Variants in KCNMA1 observed in about 807,000 individuals in gnomAD.
The protein encoded by KCNMA1 is potassium calcium-activated channel subfamily M alpha 1.
KCNMA1 carries 29 observed loss-of-function variants against 140.0 expected under a neutral mutation model. That is an observed-to-expected ratio of 0.21 (90% CI 0.15 to 0.28). The LOEUF (loss-of-function observed/expected upper bound fraction) is 0.28. Ranked by LOEUF, KCNMA1 falls within the 10% of genes least tolerant of loss-of-function variation. KCNMA1 has a pLI of 1.00. For missense variants in KCNMA1, 880 were observed against 1,602.2 expected (o/e 0.55, Z 7.70); for synonymous variants, 612 against 611.9 (o/e 1.00, Z 0.00).
At chr10:76,981,910 C>T (rs1006412906) in intron 19 of KCNMA1, among the ~76,000 whole-genome samples, 31 of 152,180 alleles carry the variant, frequency 2.0e-4, no homozygotes, top group African/African-American at 5.3e-4. Flanking sequence ...TAAATAGCTC[C>T]GAGCAGCTAC....
chr10:77,614,977 GA>G (rs1286015799), intron 1 of KCNMA1, among the ~76,000 whole-genome samples: 1 of 152,234 alleles, frequency 6.6e-6, no homozygotes, highest in East Asian at 1.9e-4. Context: ...AGAAGACCCG[GA>G]AGTCTTCATG....
intron 1 of KCNMA1, among the ~76,000 whole-genome samples, chr10:77,551,238 C>T (rs2062772487): frequency 6.6e-6 from 1 of 152,124 alleles, no homozygotes; most frequent in African/African-American, 2.4e-5. Context: ...AAATTATGCT[C>T]TTATATGTAC....
At chr10:76,961,427 A>C (rs189909744) in intron 20 of KCNMA1, among the ~76,000 whole-genome samples, 41 of 152,284 alleles carry the variant, frequency 2.7e-4, no homozygotes, top group African/African-American at 9.9e-4. Context: ...TTGAGATGGA[A>C]GCTACTCCTA....
intron 2 of KCNMA1, among the ~76,000 whole-genome samples, chr10:77,255,053 C>T (rs2060443054): frequency 6.6e-6 from 1 of 152,216 alleles, no homozygotes; most frequent in African/African-American, 2.4e-5. Context: ...GCTAAACTTG[C>T]CATAGTCTGA....
intron 1 of KCNMA1, among the ~76,000 whole-genome samples, chr10:77,616,648 A>G (rs1405923559): frequency 1.3e-5 from 2 of 152,126 alleles, no homozygotes; most frequent in Non-Finnish European, 2.9e-5. Context: ...TCTACTAAAA[A>G]TACAGAAATT....
chr10:77,406,162 A>G (rs1392491511), intron 1 of KCNMA1, among the ~76,000 whole-genome samples: 5 of 152,180 alleles, frequency 3.3e-5, no homozygotes, highest in African/African-American at 9.6e-5. Context: ...CTCAGATAGG[A>G]CCTGTTAGGT....
intron 2 of KCNMA1, among the ~76,000 whole-genome samples, chr10:77,302,349 T>C (rs1018236742): frequency 6.6e-6 from 1 of 152,170 alleles, no homozygotes; most frequent in Non-Finnish European, 1.5e-5. Context: ...AAGCACTTAA[T>C]TAATGGTGTC....
chr10:77,416,364 G>A (rs897671270), intron 1 of KCNMA1, among the ~76,000 whole-genome samples: 3 of 152,150 alleles, frequency 2.0e-5, no homozygotes, highest in East Asian at 3.9e-4. Context: ...CATACCAACC[G>A]CCTGAGTTCC....
At chr10:77,547,544 T>C (rs544054277) in intron 1 of KCNMA1, among the ~76,000 whole-genome samples, 1 of 152,338 alleles carries the variant, frequency 6.6e-6, no homozygotes, top group Non-Finnish European at 1.5e-5. Context: ...GGCCCACCTC[T>C]GTGTGGCTTC....
intron 9 of KCNMA1, among the ~76,000 whole-genome samples, chr10:77,097,798 C>T (rs1414884235): frequency 1.3e-5 from 2 of 152,210 alleles, no homozygotes; most frequent in African/African-American, 2.4e-5. Context: ...AATGCATTCT[C>T]CCTCCTAGTG....
At position 76,890,902 on chromosome 10, in the gene KCNMA1, T is replaced by C. The variant is rs193064244; in HGVS notation, c.3342+623A>G. Among the ~76,000 whole-genome samples, 12 of 152,296 alleles carry C rather than the reference T, an allele frequency of 7.9e-5. No homozygotes were observed. In the East Asian group the frequency reaches 2.3e-3, roughly 29 times the overall value. Reference sequence around the variant, plus strand: ...GGTCTAGGTTTTGATTTACAGGCATTAAAGGATCCACATAAGATTCGGTTT... The same window carrying C: ...GGTCTAGGTTTTGATTTACAGGCATCAAAGGATCCACATAAGATTCGGTTT... On this transcript the variant is annotated intron_variant, in intron 26 of 27. Coordinates refer to ENST00000286628, the MANE Select transcript of KCNMA1 (RefSeq NM_001161352.2).
intron 5 of KCNMA1, among the ~76,000 whole-genome samples, chr10:77,137,711 C>T (rs1355610767): frequency 6.6e-6 from 1 of 152,206 alleles, no homozygotes; most frequent in Non-Finnish European, 1.5e-5. Context: ...GTTCTATAAA[C>T]AGTTCTTGCT....
chr10:77,215,407 C>CTTTTTTTTTTTTTTTTTTTTTT (rs5786271), intron 3 of KCNMA1, among the ~76,000 whole-genome samples: 1 of 132,934 alleles, frequency 7.5e-6, no homozygotes. Flanking sequence ...TTTATTTTTG[C>CTTTTTTTTTTTTTTTTTTTTTT]TTTTTTTTTT....
intron 14 of KCNMA1, among the ~76,000 whole-genome samples, chr10:77,050,281 A>T (rs538351185): frequency 1.2e-4 from 18 of 152,220 alleles, no homozygotes; most frequent in East Asian, 7.7e-4. Context: ...TTCTAAAAAA[A>T]AAAAATAAAA....
chr10:77,351,124 G>A (rs953413128), intron 2 of KCNMA1, among the ~76,000 whole-genome samples: 2 of 152,200 alleles, frequency 1.3e-5, no homozygotes, highest in Non-Finnish European at 2.9e-5. Context: ...AAAGAGATAC[G>A]ATTGCTTTTA....
chr10:76,898,511 T>TA (rs2043611405), intron 25 of KCNMA1, among the ~76,000 whole-genome samples: 1 of 149,470 alleles, frequency 6.7e-6, no homozygotes. Context: ...TAACAACGAT[T>TA]ACAAAAAAAA....
At chr10:76,889,766 C>A in intron 26 of KCNMA1, 197 bp from the exon 27 acceptor site, 1 of 629,976 alleles carries the variant, frequency 1.6e-6, no homozygotes, top group Non-Finnish European at 2.9e-6. Flanking sequence ...TTTTAGGGAT[C>A]AGGTAACAAT....
intron 2 of KCNMA1, among the ~76,000 whole-genome samples, chr10:77,362,344 T>TCCCCCCCCCCCCCC (rs1220056300): frequency 6.9e-5 from 2 of 29,076 alleles, no homozygotes; most frequent in Admixed American, 3.1e-4. Flanking sequence ...CCACCCCCTA[T>TCCCCCCCCCCCCCC]CCCCCCCCAC....
chr10:76,972,631 A>G (rs574408555), intron 19 of KCNMA1, among the ~76,000 whole-genome samples: 39 of 152,332 alleles, frequency 2.6e-4, no homozygotes, highest in Non-Finnish European at 4.4e-4. Flanking sequence ...TTTCATTGCA[A>G]CTCAGAAAGA....
Sources: gnomAD v4.1 joint callset for allele counts (sites outside exome capture counted in the v4.1 genomes callset) on GRCh38, gnomAD v4.1.1 for gene constraint, MANE v1.5 for transcripts, NCBI Gene and HGNC (gene_info 2026-07-23, HGNC 2026-07-21) for gene names.